PTAFR: variants seen among roughly 807,000 people sequenced by gnomAD.
The protein encoded by PTAFR is platelet activating factor receptor.
PTAFR carries 8 observed loss-of-function variants against 14.7 expected under a neutral mutation model. That is an observed-to-expected ratio of 0.54 (90% CI 0.32 to 0.98). The LOEUF (loss-of-function observed/expected upper bound fraction) is 0.98. Among genes scored for constraint, PTAFR ranks in the 50% least tolerant of loss-of-function variants. PTAFR has a pLI of 0.04. For synonymous variants in PTAFR, 156 were observed against 176.5 expected (o/e 0.88, Z 0.92); for missense variants, 337 against 451.2 (o/e 0.75, Z 2.29).
chr1:28,179,299 C>T (rs1276138299), upstream of PTAFR, among the ~76,000 whole-genome samples: 1 of 152,216 alleles, frequency 6.6e-6, no homozygotes, highest in Non-Finnish European at 1.5e-5. Flanking sequence ...GGACGCCTGG[C>T]TCAAGGTCCG....
chr1:28,178,587 T>C (rs984330636), upstream of PTAFR, among the ~76,000 whole-genome samples: 1 of 151,990 alleles, frequency 6.6e-6, no homozygotes, highest in African/African-American at 2.4e-5. Context: ...AACATTTGCC[T>C]CAGTCATGTA....
upstream of PTAFR, among the ~76,000 whole-genome samples, chr1:28,179,954 A>G (rs1474210811): frequency 6.6e-6 from 1 of 152,196 alleles, no homozygotes; most frequent in Non-Finnish European, 1.5e-5. Context: ...ATTCCAAAAT[A>G]TAGAACATTC....
intron 1 of PTAFR, among the ~76,000 whole-genome samples, chr1:28,151,265 C>T (rs1044704603): frequency 1.8e-4 from 28 of 151,998 alleles, no homozygotes; most frequent in Admixed American, 1.5e-3. Context: ...CCGCAACCTC[C>T]GCCTCCCGGG....
intron 1 of PTAFR, among the ~76,000 whole-genome samples, chr1:28,190,021 G>T (rs753965803): frequency 2.0e-5 from 3 of 150,098 alleles, no homozygotes; most frequent in Non-Finnish European, 3.0e-5. Context: ...TGCCCAGGCT[G>T]GAGTGCAGTG....
rs185922082 is a variant in PTAFR, at chr1:28,165,144, A to G, written c.-39+11448T>C. Among the ~76,000 whole-genome samples, 15 of 152,312 alleles carry G rather than the reference A, an allele frequency of 9.8e-5. No homozygotes were observed. In the East Asian group the frequency reaches 2.5e-3, roughly 25 times the overall value. ...CAGCCAGGCACGATGGCTCATGCCT[A>G]TAATAATCCCAGCACTCCGGGAGGC... On this transcript the variant is annotated intron_variant, in intron 1 of 1. Transcript: ENST00000373857.
chr1:28,184,565 C>A (rs1461748749), intron 1 of PTAFR, among the ~76,000 whole-genome samples: 2 of 152,160 alleles, frequency 1.3e-5, no homozygotes, highest in African/African-American at 2.4e-5. Flanking sequence ...ACATCTCGCT[C>A]CCTCCACTGT....
intron 1 of PTAFR, among the ~76,000 whole-genome samples, chr1:28,156,598 T>C (rs1475376883): frequency 1.3e-5 from 2 of 152,240 alleles, no homozygotes; most frequent in Non-Finnish European, 2.9e-5. Context: ...TTAGAATGTC[T>C]AAGTTTTCAT....
intron 1 of PTAFR, among the ~76,000 whole-genome samples, chr1:28,164,572 T>C (rs368157467): frequency 6.6e-6 from 1 of 152,336 alleles, no homozygotes; most frequent in East Asian, 1.9e-4. Context: ...CAGATCATCT[T>C]CGTGAGGCTG....
intron 1 of PTAFR, among the ~76,000 whole-genome samples, chr1:28,162,829 C>CAAAAAAA (rs529755155): frequency 1.7e-5 from 1 of 59,160 alleles, no homozygotes; most frequent in African/African-American, 6.7e-5. Flanking sequence ...ACTTTGTCTC[C>CAAAAAAA]AAAAAAAAAA....
rs1212634067 is a variant in PTAFR, at chr1:28,150,492, T to TA, written c.529dup (p.Tyr177LeufsTer49). ...GAGGACTGGCACGCTGCCCTTCTCG[T>TA]AATGCTCAAAGCAGCGAGTGACGTT... On this transcript the variant is annotated frameshift_variant, in exon 2 of 2. Coordinates refer to ENST00000373857, the MANE Select transcript of PTAFR (RefSeq NM_000952.5). LOFTEE classifies it high-confidence loss of function. This position sits in a 1 kb window ranked among gnomAD's most constrained non-coding sequence, Gnocchi z 6.3. The TA allele has an allele frequency of 6.2e-7, 1 of 1,614,062 alleles. No individual in the cohort carries two copies. The highest frequency in any genetic ancestry group is 1.3e-5 in the African/African-American group (1 of 74,924).
At chr1:28,171,322 CAA>C (rs1412074690) in intron 1 of PTAFR, among the ~76,000 whole-genome samples, 8 of 107,332 alleles carry the variant, frequency 7.5e-5, no homozygotes, top group South Asian at 2.9e-4. Context: ...GACTCCATCT[CAA>C]AAAAAAAAAA....
chr1:28,189,342 G>T (rs1433784653), intron 1 of PTAFR, among the ~76,000 whole-genome samples: 1 of 152,062 alleles, frequency 6.6e-6, no homozygotes, highest in South Asian at 2.1e-4. Context: ...GGCCGGGCAT[G>T]GTTGCTCATG....
At chr1:28,184,417 C>T (rs904678068) in intron 1 of PTAFR, among the ~76,000 whole-genome samples, 7 of 152,066 alleles carry the variant, frequency 4.6e-5, no homozygotes, top group South Asian at 4.2e-4. Context: ...TACAGCAACG[C>T]GGTTGAACTA....
Position 28,153,581 on chromosome 1 carries a change from C to CA in PTAFR, c.-38-2523dup, listed in dbSNP as rs36049566. On this transcript the variant is annotated intron_variant, in intron 1 of 1. Transcript: ENST00000373857. ...GCAACATGGTGAAACCCTGTCTCTA[C>CA]AAAAAAAAAAAAAAAAAAAAAATAC... Among the ~76,000 whole-genome samples, 498 of 62,626 alleles carry CA rather than the reference C, an allele frequency of 8.0e-3. 6 individuals carry two copies. Among genetic ancestry groups the CA allele is most frequent in the Middle Eastern group, 0.033 (5 of 152 alleles). The allele number at this position is 62,626 out of a possible 152,430, so 41.1% of individuals were successfully genotyped here. A position where few individuals can be genotyped will look rare whatever the true frequency, so the allele number is the denominator to read the frequency against.
upstream of PTAFR, among the ~76,000 whole-genome samples, chr1:28,178,951 G>A (rs60197945): frequency 1.3e-4 from 20 of 152,058 alleles, no homozygotes; most frequent in African/African-American, 4.1e-4. Flanking sequence ...CCAGGAGTTC[G>A]AGACCAGCCT....
Position 28,157,630 on chromosome 1 carries a change from A to T in PTAFR, c.-38-6571T>A, listed in dbSNP as rs1251005888. Among the ~76,000 whole-genome samples the T allele has an allele frequency of 7.8e-3, 1,020 of 131,106 alleles. 3 individuals carry two copies. Among genetic ancestry groups the T allele is most frequent in the Non-Finnish European group, 0.013 (762 of 60,162 alleles). 86.0% of individuals were successfully genotyped at this position (131,106 alleles called of 152,430 possible). ...CATAATTTTTTTTGCATTAATTTTG[A>T]TTTTTTTTTTTTTTTTGAGGTGGAG... On this transcript the variant is annotated intron_variant, in intron 1 of 1. Coordinates refer to ENST00000373857, the MANE Select transcript of PTAFR (RefSeq NM_000952.5).
Position 28,183,119 on chromosome 1 carries a change from T to A in PTAFR, c.-39+10603A>T, listed in dbSNP as rs181532209. On this transcript the variant is annotated intron_variant, in intron 1 of 1. Coordinates refer to the PTAFR transcript ENST00000305392. ...GCAGTGAAAAAGAAAACTGTCCCAA[T>A]GTTATGTAGTGGATAATTGTGTCTT... 1.2e-4 allele frequency among the ~76,000 whole-genome samples: 18 copies of A among 152,302 alleles called. No homozygotes were observed. In the East Asian group the frequency reaches 3.3e-3, roughly 28 times the overall value.
At chr1:28,186,539 T>C (rs540933134) in intron 1 of PTAFR, among the ~76,000 whole-genome samples, 2 of 152,332 alleles carry the variant, frequency 1.3e-5, no homozygotes, top group South Asian at 4.1e-4. Context: ...TGAGAAATTT[T>C]TGAAGAACAA....
chr1:28,191,203 G>C (rs571882120), intron 1 of PTAFR, among the ~76,000 whole-genome samples: 3 of 152,274 alleles, frequency 2.0e-5, no homozygotes, highest in Middle Eastern at 6.8e-3. Context: ...CAGGCCTCGC[G>C]GGGGAGGCCT....
Sources: gnomAD v4.1 joint callset for allele counts (sites outside exome capture counted in the v4.1 genomes callset) on GRCh38, gnomAD v4.1.1 for gene constraint, Gnocchi (gnomAD v3.1) non-coding constraint, MANE v1.5 for transcripts, NCBI Gene and HGNC (gene_info 2026-07-23, HGNC 2026-07-21) for gene names.